RFC3: variants seen among roughly 807,000 people sequenced by gnomAD.
RFC3 encodes A1 38 kDa subunit.
Under a neutral mutation model 45.1 loss-of-function variants are expected in RFC3, and 41 were observed. The observed-to-expected ratio is 0.91, with a 90% CI of 0.71 to 1.18. The LOEUF is 1.18. RFC3 is among the 50% of genes most tolerant of loss of function. The pLI is 0.00. For missense variants in RFC3, 423 were observed against 428.1 expected (o/e 0.99, Z 0.10); for synonymous variants, 149 against 144.0 (o/e 1.03, Z -0.25).
chr13:33,831,483 GA>G (rs2082103652), intron 7 of RFC3, 129 bp downstream of exon 7: 8 of 518,156 alleles, frequency 1.5e-5, no homozygotes, highest in Non-Finnish European at 2.6e-5. Flanking sequence ...ACTTTTTAAG[GA>G]AAATGTAGCA....
chr13:33,918,801 T>A (rs895938174), intron 8 of RFC3, among the ~76,000 whole-genome samples: 3 of 152,092 alleles, frequency 2.0e-5, no homozygotes, highest in Non-Finnish European at 2.9e-5. Context: ...CACAGCCAAG[T>A]TTATATGCTC....
intron 8 of RFC3, among the ~76,000 whole-genome samples, chr13:33,901,665 G>A (rs1171308394): frequency 6.6e-6 from 1 of 151,998 alleles, no homozygotes; most frequent in Non-Finnish European, 1.5e-5. Flanking sequence ...TCTATTTTAC[G>A]TTTCACGTGA....
chr13:33,910,151 C>G (rs2082695494), intron 8 of RFC3, among the ~76,000 whole-genome samples: 6 of 151,974 alleles, frequency 3.9e-5, no homozygotes, highest in Admixed American at 3.9e-4. Flanking sequence ...AACTACTTAC[C>G]CAATTATCTA....
chr13:33,819,909 T>C (rs2081986029), intron 1 of RFC3, among the ~76,000 whole-genome samples: 1 of 152,238 alleles, frequency 6.6e-6, no homozygotes, highest in African/African-American at 2.4e-5. Context: ...AGGCAGTAAG[T>C]GTCTGTGGGA....
intron 8 of RFC3, among the ~76,000 whole-genome samples, chr13:33,891,060 T>G (rs2082560432): frequency 6.6e-6 from 1 of 152,206 alleles, no homozygotes; most frequent in Non-Finnish European, 1.5e-5. Flanking sequence ...CCAATAATTT[T>G]TATCTTTTTA....
intron 8 of RFC3, among the ~76,000 whole-genome samples, chr13:33,886,337 G>C (rs1026868248): frequency 6.6e-6 from 1 of 152,066 alleles, no homozygotes; most frequent in East Asian, 1.9e-4. Context: ...ACAAGGTCAG[G>C]AGACTGAGAC....
At chr13:33,930,603 G>A (rs182597187) in intron 8 of RFC3, among the ~76,000 whole-genome samples, 6 of 151,950 alleles carry the variant, frequency 3.9e-5, no homozygotes, top group Admixed American at 1.3e-4. Context: ...ACACCCTCGC[G>A]GACACACCCA....
intron 8 of RFC3, among the ~76,000 whole-genome samples, chr13:33,907,006 T>C (rs9570569): frequency 5.9e-5 from 9 of 151,870 alleles, no homozygotes; most frequent in African/African-American, 1.7e-4. Context: ...TTTTTAAAAA[T>C]TTTTTTATAG....
chr13:33,823,855 A>G lies in RFC3; in HGVS notation c.226-62A>G. On this transcript the variant is annotated intron_variant, in intron 2 of 8. Coordinates refer to ENST00000380071, the MANE Select transcript of RFC3 (RefSeq NM_002915.4). ...TAATAAAAGGAAAACCAATGAAAAT[A>G]CAAAAGAGTGGGGAAATAGGCAATA... The G allele has an allele frequency of 3.5e-6, 3 of 854,032 alleles. No individual in the cohort carries two copies. In the South Asian group the frequency reaches 5.0e-5, roughly 14 times the overall value. The allele number at this position is 854,032 out of a possible 1,614,324, so 52.9% of individuals were successfully genotyped here. A position where few individuals can be genotyped will look rare whatever the true frequency, so the allele number is the denominator to read the frequency against.
intron 8 of RFC3, among the ~76,000 whole-genome samples, chr13:33,912,884 AGTG>A (rs1416011085): frequency 6.6e-6 from 1 of 151,950 alleles, no homozygotes; most frequent in Non-Finnish European, 1.5e-5. Flanking sequence ...GAAGGATGGG[AGTG>A]GTAATTAGCT....
At chr13:33,861,195 T>A (rs2082338678) in intron 8 of RFC3, among the ~76,000 whole-genome samples, 1 of 152,350 alleles carries the variant, frequency 6.6e-6, no homozygotes, top group African/African-American at 2.4e-5. Context: ...AATATAAAAA[T>A]AGAGGTTGCA....
intron 8 of RFC3, among the ~76,000 whole-genome samples, chr13:33,873,098 G>A (rs1024720949): frequency 5.9e-5 from 9 of 152,076 alleles, no homozygotes; most frequent in Admixed American, 1.3e-4. Flanking sequence ...TCAAATATTA[G>A]CAAAGAAATT....
chr13:33,832,475 G>A (rs535041397), intron 7 of RFC3, among the ~76,000 whole-genome samples: 145 of 152,168 alleles, frequency 9.5e-4, no homozygotes, highest in African/African-American at 3.4e-3. Context: ...GTATTCCCTG[G>A]TTACCATATA....
In RFC3 at chr13:33,892,027, C is replaced by T. The variant is rs933182640; in HGVS notation, c.879+56810C>T. 9.2e-5 allele frequency among the ~76,000 whole-genome samples: 14 copies of T among 151,868 alleles called. No individual in the cohort carries two copies. The South Asian group carries it at 1.0e-3, about 11-fold the overall frequency. ...TAATAACATTATTCAACTGTCTCTA[C>T]ATAATACCAAAATAACCAAACAATT... On this transcript the variant is annotated intron_variant, in intron 8 of 8. Coordinates refer to the RFC3 transcript ENST00000434425.
chr13:33,829,869 A>G lies in RFC3; in HGVS notation c.425A>G (p.Lys142Arg), dbSNP rs779586709. ...TTGACAGAAGTTGACAAACTCACCA[A>G]AGATGCTCAGCATGCCTTGCGAAGA... ...VLLTEVDKLT[K>R]DAQHALRRTM... is the part of the protein sequence containing the mutation. The change falls in exon 5 of 9, where the codon AAA becomes AGA. Residue 142 changes from lysine to arginine, a missense_variant. By Grantham distance (26) the Lys-to-Arg change is conservative. Transcript: ENST00000380071. The G allele has an allele frequency of 5.0e-6, 8 of 1,614,144 alleles. No homozygotes were observed. Among genetic ancestry groups the G allele is most frequent in the Non-Finnish European group, 6.8e-6 (8 of 1,179,980 alleles).
At chr13:33,861,645 CAA>C (rs1046372339) in intron 8 of RFC3, among the ~76,000 whole-genome samples, 6 of 66,158 alleles carry the variant, frequency 9.1e-5, no homozygotes, top group Admixed American at 1.7e-4. Context: ...AACTCCATCT[CAA>C]AAAAAAAAAA....
At chr13:33,844,441 T>C (rs1200674657) in intron 8 of RFC3, among the ~76,000 whole-genome samples, 1 of 152,148 alleles carries the variant, frequency 6.6e-6, no homozygotes, top group East Asian at 1.9e-4. Context: ...TATCATTTGT[T>C]TTCTGGTTGT....
At chr13:33,969,592 A>G (rs2083101820), downstream of RFC3, among the ~76,000 whole-genome samples, 1 of 152,186 alleles carries the variant, frequency 6.6e-6, no homozygotes, top group South Asian at 2.1e-4. Flanking sequence ...TACAGCCTAC[A>G]TTTACACAGT....
chr13:33,875,870 G>A (rs921689336), intron 8 of RFC3, among the ~76,000 whole-genome samples: 1 of 152,106 alleles, frequency 6.6e-6, no homozygotes, highest in African/African-American at 2.4e-5. Context: ...CGGTGGCCTT[G>A]GGCAGATTCC....
Sources: allele counts gnomAD v4.1 joint callset (sites outside exome capture counted in the v4.1 genomes callset), GRCh38; gene constraint gnomAD v4.1.1; transcripts MANE v1.5; gene names NCBI Gene and HGNC (gene_info 2026-07-23, HGNC 2026-07-21).